PELI1: variants seen among roughly 807,000 people sequenced by gnomAD.
PELI1 encodes the protein pellino E3 ubiquitin protein ligase 1.
In PELI1, 15 loss-of-function variants were observed where a neutral mutation model predicts 41.3. The ratio of observed to expected loss-of-function variants is 0.36; its 90% CI spans 0.24 to 0.56. PELI1 has a LOEUF of 0.56. PELI1 is among the 20% of genes least tolerant of loss of function. The pLI is 0.82. For missense variants in PELI1, 403 were observed against 525.5 expected, an observed-to-expected ratio of 0.77 and a Z score of 2.28; for synonymous variants, 178 against 180.1, an observed-to-expected ratio of 0.99 and a Z score of 0.09.
In PELI1 at chr2:64,094,736, T is replaced by C. The variant is rs1394403562; in HGVS notation, c.1223A>G (p.Tyr408Cys). Residue 408 changes from tyrosine (Y) to cysteine (C), a missense_variant, in exon 7 of 7, where the codon TAC becomes TGC. Tyr to Cys is a radical substitution (Grantham distance 194). Coordinates refer to ENST00000358912, the MANE Select transcript of PELI1 (RefSeq NM_020651.4). ...AGGTCCTTGAAAAATAAGTCTGATG[T>C]AGCCTTGTTCACCAGCCAACTGATG... ...CAHQLAGEQGYIRLIFQGPLD is the reference protein window; with the variant it reads ...CAHQLAGEQGCIRLIFQGPLD 1 of 1,614,106 alleles carries C rather than the reference T, an allele frequency of 6.2e-7. No individual in the cohort carries two copies. The highest frequency in any genetic ancestry group is 1.1e-5 in the South Asian group (1 of 91,082).
chr2:64,126,805 GA>G (rs796658358), intron 1 of PELI1, among the ~76,000 whole-genome samples: 31 of 142,100 alleles, frequency 2.2e-4, no homozygotes, highest in South Asian at 2.2e-4. Context: ...TTTGATAAGT[GA>G]AAAAAAAAAA....
intron 4 of PELI1, among the ~76,000 whole-genome samples, chr2:64,099,594 A>G (rs1361005659): frequency 6.6e-6 from 1 of 152,226 alleles, no homozygotes; most frequent in Non-Finnish European, 1.5e-5. Flanking sequence ...ATTGACTGAA[A>G]TTAAATATAT....
chr2:64,100,489 T>C lies in PELI1; in HGVS notation c.212A>G (p.Asn71Ser). 3 of 1,561,520 alleles carry C rather than the reference T, an allele frequency of 1.9e-6. No homozygotes were observed. The highest frequency in any genetic ancestry group is 1.8e-6 in the Non-Finnish European group (2 of 1,132,640). The change falls in exon 4 of 7, where the codon AAC becomes AGC. Residue 71 changes from asparagine (N) to serine (S), a missense_variant. Asn to Ser is a conservative substitution (Grantham distance 46). Transcript: ENST00000358912. ...CTPQAAKAIS[N>S]KDQHSISYTL... The stretch of plus-strand genomic sequence containing the variant: ...ATATGATATGCTATGCTGGTCTTTG[T>C]TGCTTATTGCCTAAGAATGAAAAAG...
At chr2:64,143,427 G>A (rs1681980466) in intron 1 of PELI1, 1 of 152,280 alleles carries the variant, frequency 6.6e-6, no homozygotes, top group South Asian at 2.1e-4. Context: ...CATATACTCA[G>A]ACACGAGGCG....
chr2:64,110,391 G>A (rs768721224), intron 1 of PELI1, among the ~76,000 whole-genome samples: 8 of 151,974 alleles, frequency 5.3e-5, no homozygotes, highest in Non-Finnish European at 1.0e-4. Flanking sequence ...GTATTTTTCA[G>A]GTGCTGACAA....
intron 1 of PELI1, among the ~76,000 whole-genome samples, chr2:64,114,357 C>G (rs948824491): frequency 6.6e-6 from 1 of 152,080 alleles, no homozygotes; most frequent in African/African-American, 2.4e-5. Context: ...ATTTAATCAC[C>G]TTCTTCATTC....
chr2:64,101,890 C>T (rs1291014714), intron 3 of PELI1, among the ~76,000 whole-genome samples: 1 of 140,410 alleles, frequency 7.1e-6, no homozygotes, highest in Non-Finnish European at 1.5e-5. Flanking sequence ...TGCAGTGGTG[C>T]TATCTCGGCT....
intron 1 of PELI1, among the ~76,000 whole-genome samples, chr2:64,123,562 T>C (rs1190103822): frequency 6.6e-6 from 1 of 152,184 alleles, no homozygotes; most frequent in Non-Finnish European, 1.5e-5. Flanking sequence ...AAAAAGATGC[T>C]CATTAGCCAT....
rs1363117613 is a variant in PELI1, at chr2:64,104,939, C to T, written c.72-109G>A. The T allele has an allele frequency of 4.7e-6, 4 of 856,434 alleles. No individual in the cohort carries two copies. In the African/African-American group the frequency reaches 6.8e-5, roughly 15 times the overall value. The allele number at this position is 856,434 out of a possible 1,614,324, so 53.1% of individuals were successfully genotyped here. A position where few individuals can be genotyped will look rare whatever the true frequency, so the allele number is the denominator to read the frequency against. The stretch of plus-strand genomic sequence containing the variant: ...CAATTCCCAATTAATTATCTATTAA[C>T]ACATTATAATTATTTAAAATTCCTT... On this transcript the variant is annotated intron_variant, in intron 2 of 6. Coordinates refer to ENST00000358912, the MANE Select transcript of PELI1 (RefSeq NM_020651.4).
Position 64,095,252 on chromosome 2 carries a change from T to C in PELI1, c.707A>G (p.Asn236Ser). 1 of 1,612,828 alleles carries C rather than the reference T, an allele frequency of 6.2e-7. No homozygotes were observed. The highest frequency in any genetic ancestry group is 8.5e-7 in the Non-Finnish European group (1 of 1,178,934). ...QRGKMVEIET[N>S]QLQDGSLIDL... The stretch of plus-strand genomic sequence containing the variant: ...AATTAACGAGCCATCTTGTAACTGA[T>C]TGGTTTCAATTTCCACCTAGAGGAG... Residue 236 changes from asparagine to serine, a missense_variant, in exon 7 of 7, where the codon AAT (asparagine) becomes AGT (serine). Asn to Ser is a conservative substitution (Grantham distance 46). Coordinates refer to ENST00000358912, the MANE Select transcript of PELI1 (RefSeq NM_020651.4).
At chr2:64,125,644 T>C (rs1681359500) in intron 1 of PELI1, among the ~76,000 whole-genome samples, 1 of 152,224 alleles carries the variant, frequency 6.6e-6, no homozygotes, top group African/African-American at 2.4e-5. Flanking sequence ...TCCCTCTAGC[T>C]AGCTAATAGT....
chr2:64,141,118 A>T (rs958607105), intron 1 of PELI1, among the ~76,000 whole-genome samples: 1 of 152,220 alleles, frequency 6.6e-6, no homozygotes. Flanking sequence ...CACTGTTTAT[A>T]GACTTCAACT....
intron 4 of PELI1, among the ~76,000 whole-genome samples, chr2:64,098,085 G>A (rs1339683976): frequency 1.3e-5 from 2 of 152,086 alleles, no homozygotes; most frequent in Non-Finnish European, 2.9e-5. Flanking sequence ...TTTCAACTGG[G>A]TCTTGGAAGA....
intron 1 of PELI1, among the ~76,000 whole-genome samples, chr2:64,114,459 A>G (rs1348881294): frequency 2.6e-5 from 4 of 152,202 alleles, no homozygotes; most frequent in South Asian, 2.1e-4. Flanking sequence ...ACTTTCTGCT[A>G]GTGTCTTTTA....
At position 64,096,209 on chromosome 2, in the gene PELI1, CT is replaced by C. The variant is rs1408114081; in HGVS notation, c.605del (p.Lys202SerfsTer42). ...HPRNGFTEDSKPGIWREISVC... is the reference protein window; with the variant it reads ...HPRNGFTEDSXPGIWREISVC... ...CCGATATTTCTCTCCATATTCCAGG[CT>C]TGGAGTCTTCTGTGAACCCATTGCG... On this transcript the variant is annotated frameshift_variant, in exon 6 of 7. Transcript: ENST00000358912. LOFTEE classifies it high-confidence loss of function. 6.2e-7 allele frequency: 1 copy of C among 1,613,998 alleles called. No homozygotes were observed. Among genetic ancestry groups the C allele is most frequent in the Non-Finnish European group, 8.5e-7 (1 of 1,179,870 alleles).
intron 3 of PELI1, among the ~76,000 whole-genome samples, chr2:64,104,380 T>C (rs1009827476): frequency 6.6e-6 from 1 of 152,232 alleles, no homozygotes; most frequent in Non-Finnish European, 1.5e-5. Context: ...AACTTCCCAC[T>C]TCTCAGGGCA....
At chr2:64,106,677 C>G (rs1348340310) in intron 2 of PELI1, among the ~76,000 whole-genome samples, 1 of 152,130 alleles carries the variant, frequency 6.6e-6, no homozygotes, top group South Asian at 2.1e-4. Context: ...GAAACTAAGG[C>G]CCAGGATGGT....
chr2:64,094,569 TA>T lies in PELI1; in HGVS notation c.*132del. 1 of 570,442 alleles carries T rather than the reference TA, an allele frequency of 1.8e-6. No homozygotes were observed. The highest frequency in any genetic ancestry group is 3.0e-6 in the Non-Finnish European group (1 of 329,110). 35.3% of individuals were successfully genotyped at this position (570,442 alleles called of 1,614,324 possible). A position where few individuals can be genotyped will look rare whatever the true frequency, so the allele number is the denominator to read the frequency against. ...GCTCAGAAATTGCTACTATTTATTATAAATGTTTTAAAAAATTCTTCATCTT... is the reference window on the plus strand; with the variant it reads ...GCTCAGAAATTGCTACTATTTATTATAATGTTTTAAAAAATTCTTCATCTT... On this transcript the variant is annotated 3_prime_UTR_variant, in exon 7 of 7. Coordinates refer to ENST00000358912, the MANE Select transcript of PELI1 (RefSeq NM_020651.4).
intron 1 of PELI1, among the ~76,000 whole-genome samples, chr2:64,116,267 T>A (rs1427590037): frequency 6.6e-6 from 1 of 152,166 alleles, no homozygotes; most frequent in African/African-American, 2.4e-5. Context: ...CCAAACAGTT[T>A]TATTGTCTGT....
Sources: gnomAD v4.1 joint callset for allele counts (sites outside exome capture counted in the v4.1 genomes callset) on GRCh38, gnomAD v4.1.1 for gene constraint, MANE v1.5 for transcripts, NCBI Gene and HGNC (gene_info 2026-07-23, HGNC 2026-07-21) for gene names.